The following KHDRBS2 variants were observed in gnomAD, a reference collection of about 807,000 sequenced individuals.
The protein encoded by KHDRBS2 is KH domain-containing, RNA-binding, signal transduction-associated protein 2.
Under a neutral mutation model 44.3 loss-of-function variants are expected in KHDRBS2, and 26 were observed. The observed-to-expected ratio is 0.59, with a 90% CI of 0.43 to 0.81. KHDRBS2 has a LOEUF of 0.81. KHDRBS2 is among the 40% of genes least tolerant of loss of function. The probability of loss-of-function intolerance (pLI) is 0.00; values close to 1 mark genes in which losing one functional copy is unlikely to be tolerated. For synonymous variants in KHDRBS2, 194 were observed against 151.1 expected (o/e 1.28, Z -2.08); for missense variants, 476 against 433.1 (o/e 1.10, Z -0.88).
At chr6:62,101,749 G>GATAGAT (rs1410127451) in intron 2 of KHDRBS2, among the ~76,000 whole-genome samples, 1 of 152,174 alleles carries the variant, frequency 6.6e-6, no homozygotes, top group African/African-American at 2.4e-5. Flanking sequence ...CAGTTTTGGA[G>GATAGAT]ATAGATATAG....
At chr6:61,600,593 C>A in the KHDRBS2 span, among the ~76,000 whole-genome samples, 1 of 152,154 alleles carries the variant, frequency 6.6e-6, no homozygotes, top group Non-Finnish European at 1.5e-5. Flanking sequence ...TTACTGCTCA[C>A]ACAAAGCCTG....
chr6:61,559,865 T>C, the KHDRBS2 span, among the ~76,000 whole-genome samples: 1 of 152,214 alleles, frequency 6.6e-6, no homozygotes, highest in Non-Finnish European at 1.5e-5. Flanking sequence ...ATTTCAATGT[T>C]ATAACATTCT....
chr6:61,839,085 A>C (rs1222613096), intron 6 of KHDRBS2, among the ~76,000 whole-genome samples: 2 of 151,976 alleles, frequency 1.3e-5, no homozygotes, highest in East Asian at 1.9e-4. Flanking sequence ...CAACTGGATA[A>C]TTTTTCACAT....
At chr6:62,220,782 T>C (rs1486553804) in intron 1 of KHDRBS2, among the ~76,000 whole-genome samples, 1 of 151,560 alleles carries the variant, frequency 6.6e-6, no homozygotes, top group African/African-American at 2.4e-5. Flanking sequence ...ATCAAACAAG[T>C]AAGACAAATA....
intron 4 of KHDRBS2, among the ~76,000 whole-genome samples, chr6:61,963,955 G>C (rs567811455): frequency 6.6e-6 from 1 of 151,942 alleles, no homozygotes; most frequent in Admixed American, 6.6e-5. Context: ...ATAACAAAAA[G>C]ACAACTTTTA....
At chr6:62,271,712 T>G (rs1482618117) in intron 1 of KHDRBS2, among the ~76,000 whole-genome samples, 1 of 151,940 alleles carries the variant, frequency 6.6e-6, no homozygotes, top group East Asian at 1.9e-4. Flanking sequence ...TGGGTCTTAT[T>G]TAACAAAAAA....
At chr6:62,222,843 G>C (rs1268113401) in intron 1 of KHDRBS2, among the ~76,000 whole-genome samples, 1 of 152,202 alleles carries the variant, frequency 6.6e-6, no homozygotes, top group African/African-American at 2.4e-5. Flanking sequence ...GCTGAAGCAA[G>C]AGGTGAGTTC....
chr6:61,863,901 T>G (rs1194759566), intron 6 of KHDRBS2, among the ~76,000 whole-genome samples: 2 of 152,204 alleles, frequency 1.3e-5, no homozygotes, highest in Non-Finnish European at 2.9e-5. Flanking sequence ...CTCCAACTAT[T>G]ATTGTGTGGT....
intron 2 of KHDRBS2, among the ~76,000 whole-genome samples, chr6:62,073,677 T>C (rs145902440): frequency 6.1e-4 from 93 of 151,774 alleles, no homozygotes; most frequent in Non-Finnish European, 1.0e-3. Flanking sequence ...TTCTTTTTAA[T>C]ATAGGCATTT....
At chr6:61,600,066 A>T in the KHDRBS2 span, among the ~76,000 whole-genome samples, 2 of 152,246 alleles carry the variant, frequency 1.3e-5, no homozygotes, top group African/African-American at 4.8e-5. Context: ...AATGCTTTTC[A>T]CTTGTTAATC....
At chr6:61,572,847 C>A in the KHDRBS2 span, among the ~76,000 whole-genome samples, 1 of 152,108 alleles carries the variant, frequency 6.6e-6, no homozygotes, top group African/African-American at 2.4e-5. Context: ...CTATGAAAAA[C>A]CCACAGCCAA....
At chr6:62,076,183 T>A (rs1456597973) in intron 2 of KHDRBS2, among the ~76,000 whole-genome samples, 4 of 151,882 alleles carry the variant, frequency 2.6e-5, no homozygotes, top group Non-Finnish European at 5.9e-5. Flanking sequence ...TTTTCATAGA[T>A]GATAAAAATG....
chr6:61,944,455 G>T (rs962372741), intron 4 of KHDRBS2, among the ~76,000 whole-genome samples: 1 of 151,294 alleles, frequency 6.6e-6, no homozygotes, highest in African/African-American at 2.4e-5. Flanking sequence ...AAAAAAAAAA[G>T]ATCTCTCAGA....
chr6:61,689,430 G>A (rs1473014889), intron 8 of KHDRBS2, among the ~76,000 whole-genome samples: 2 of 151,984 alleles, frequency 1.3e-5, no homozygotes, highest in African/African-American at 4.8e-5. Flanking sequence ...AAACTTGTGA[G>A]TGTTGTATGA....
intron 4 of KHDRBS2, among the ~76,000 whole-genome samples, chr6:61,954,056 C>T (rs909569194): frequency 2.0e-5 from 3 of 152,064 alleles, no homozygotes; most frequent in Admixed American, 6.6e-5. Flanking sequence ...CAAGGTCTGT[C>T]AAATAGTAAC....
intron 7 of KHDRBS2, among the ~76,000 whole-genome samples, chr6:61,714,455 T>C (rs1771048608): frequency 6.6e-6 from 1 of 151,924 alleles, no homozygotes; most frequent in Non-Finnish European, 1.5e-5. Flanking sequence ...TGTAAATTAG[T>C]ACAACCTATA....
chr6:61,913,368 G>T (rs1806398059), intron 4 of KHDRBS2, among the ~76,000 whole-genome samples: 1 of 152,038 alleles, frequency 6.6e-6, no homozygotes, highest in East Asian at 1.9e-4. Context: ...AGCTCATACT[G>T]CTCAGCACTG....
At chr6:61,955,548 A>ATGTG (rs1554292169) in intron 4 of KHDRBS2, among the ~76,000 whole-genome samples, 1 of 62,900 alleles carries the variant, frequency 1.6e-5, no homozygotes, top group African/African-American at 6.2e-5. Context: ...ATATACACAT[A>ATGTG]TGTATGTATA....
At chr6:62,040,530 AG>A (rs1490510265) in intron 3 of KHDRBS2, among the ~76,000 whole-genome samples, 4 of 152,072 alleles carry the variant, frequency 2.6e-5, no homozygotes, top group African/African-American at 9.7e-5. Context: ...ATAGATAGGA[AG>A]ACTTGAGTAG....
Sources: gnomAD v4.1 joint callset for allele counts (sites outside exome capture counted in the v4.1 genomes callset) on GRCh38, gnomAD v4.1.1 for gene constraint, MANE v1.5 for transcripts, NCBI Gene and HGNC (gene_info 2026-07-23, HGNC 2026-07-21) for gene names.